The following NLGN1 variants were observed in gnomAD, a reference collection of about 807,000 sequenced individuals.
NLGN1 encodes neuroligin-1.
A neutral mutation model predicts 65.5 loss-of-function variants in NLGN1; 12 were observed. That is an observed-to-expected ratio of 0.18 (90% CI 0.12 to 0.30). NLGN1 has a LOEUF of 0.30. Among genes scored for constraint, NLGN1 ranks in the 10% least tolerant of loss-of-function variants. The probability of loss-of-function intolerance (pLI) is 1.00; values close to 1 mark genes in which losing one functional copy is unlikely to be tolerated. For missense variants in NLGN1, 750 were observed against 1,007.1 expected (o/e 0.74, Z 3.46); for synonymous variants, 350 against 359.5 (o/e 0.97, Z 0.30).
At chr3:173,984,975 G>A (rs926949280) in intron 4 of NLGN1, among the ~76,000 whole-genome samples, 4 of 152,180 alleles carry the variant, frequency 2.6e-5, no homozygotes, top group Non-Finnish European at 5.9e-5. Context: ...CCAGGAGGTG[G>A]AGGTTGCAGT....
intron 4 of NLGN1, among the ~76,000 whole-genome samples, chr3:174,087,328 C>T (rs1365405157): frequency 2.0e-5 from 3 of 152,134 alleles, no homozygotes; most frequent in Admixed American, 1.3e-4. Flanking sequence ...CATTTCCTTA[C>T]AGCCATTTTG....
At chr3:173,664,563 T>C (rs894634167) in intron 3 of NLGN1, among the ~76,000 whole-genome samples, 2 of 152,136 alleles carry the variant, frequency 1.3e-5, no homozygotes, top group African/African-American at 4.8e-5. Flanking sequence ...AACAATTTCC[T>C]GTGCTGTGAT....
intron 2 of NLGN1, among the ~76,000 whole-genome samples, chr3:173,451,996 C>T (rs6773541): frequency 0.023 from 3,523 of 152,316 alleles, 148 homozygotes; most frequent in African/African-American, 0.078. Context: ...TCCCTGACCC[C>T]TTGTGCTTCC....
intron 2 of NLGN1, among the ~76,000 whole-genome samples, chr3:173,590,388 A>G (rs41365946): frequency 0.01 from 1,593 of 152,288 alleles, 39 homozygotes; most frequent in African/African-American, 0.037. Flanking sequence ...GATTGATGCC[A>G]AAAGTCCCTG....
chr3:174,048,082 C>T (rs1734013987), intron 4 of NLGN1, among the ~76,000 whole-genome samples: 3 of 152,068 alleles, frequency 2.0e-5, no homozygotes, highest in Admixed American at 1.3e-4. Context: ...GTCCTCCATA[C>T]TCAGCAAGGA....
At chr3:174,111,747 C>T (rs1483850002) in intron 4 of NLGN1, among the ~76,000 whole-genome samples, 1 of 151,600 alleles carries the variant, frequency 6.6e-6, no homozygotes, top group Non-Finnish European at 1.5e-5. Flanking sequence ...TATGGTTTTG[C>T]CTTATGGTCT....
intron 2 of NLGN1, among the ~76,000 whole-genome samples, chr3:173,435,455 C>A (rs1199299234): frequency 1.3e-5 from 2 of 152,032 alleles, no homozygotes; most frequent in Non-Finnish European, 2.9e-5. Flanking sequence ...ATGATATATA[C>A]ATACACACAC....
Position 174,141,262 on chromosome 3 carries a change from C to T in NLGN1, c.647-134053C>T, listed in dbSNP as rs73880363. 6.4e-3 allele frequency among the ~76,000 whole-genome samples: 979 copies of T among 152,118 alleles called. 12 individuals are homozygous for T. Among genetic ancestry groups the T allele is most frequent in the African/African-American group, 0.022 (920 of 41,520 alleles). On this transcript the variant is annotated intron_variant, in intron 4 of 6. Coordinates refer to ENST00000457714, the Ensembl canonical transcript of NLGN1. ...CAGTTAACAGGAATAGGATTATATC[C>T]TTCAGGAAATTTATAAGTAATTTTC...
At chr3:173,910,491 TTCTC>T (rs891962582) in intron 4 of NLGN1, 7 of 152,180 alleles carry the variant, frequency 4.6e-5, no homozygotes, top group African/African-American at 1.2e-4. Context: ...TTTACAGTGA[TTCTC>T]TCTTTCTTCT....
chr3:174,110,877 A>G (rs1174264998), intron 4 of NLGN1, among the ~76,000 whole-genome samples: 1 of 151,986 alleles, frequency 6.6e-6, no homozygotes, highest in East Asian at 1.9e-4. Flanking sequence ...AGCACTAGAT[A>G]AGAAATACGT....
chr3:173,613,057 A>G (rs1165208386), intron 3 of NLGN1, among the ~76,000 whole-genome samples: 1 of 152,128 alleles, frequency 6.6e-6, no homozygotes, highest in Non-Finnish European at 1.5e-5. Context: ...ATAAGGTCAC[A>G]TTTGAGGTAC....
intron 2 of NLGN1, among the ~76,000 whole-genome samples, chr3:173,555,987 G>A (rs1741645858): frequency 6.6e-6 from 1 of 152,168 alleles, no homozygotes; most frequent in Non-Finnish European, 1.5e-5. Context: ...TTAAAATAGA[G>A]ATGAAGCTGT....
At chr3:173,834,898 T>C (rs767119715) in intron 4 of NLGN1, among the ~76,000 whole-genome samples, 30 of 152,316 alleles carry the variant, frequency 2.0e-4, no homozygotes, top group Non-Finnish European at 3.1e-4. Context: ...AGAAATCCTG[T>C]GAACTTCACA....
rs1276173799 is a variant in NLGN1, at chr3:174,082,250, C to A, written c.647-193065C>A. 2.6e-5 allele frequency among the ~76,000 whole-genome samples: 4 copies of A among 152,018 alleles called. No homozygotes were observed. The East Asian group carries it at 7.7e-4, about 29-fold the overall frequency. ...TATATAAGATATATACATATATTCC[C>A]AATACTTTCTTGACATGACTACCCA... On this transcript the variant is annotated intron_variant, in intron 4 of 6. Transcript: ENST00000457714.
chr3:173,467,307 A>T (rs1724533892), intron 2 of NLGN1, among the ~76,000 whole-genome samples: 1 of 152,086 alleles, frequency 6.6e-6, no homozygotes, highest in Admixed American at 6.6e-5. Flanking sequence ...ATCGATAGTA[A>T]TTTACATTGC....
intron 4 of NLGN1, among the ~76,000 whole-genome samples, chr3:174,155,027 A>C (rs1725177541): frequency 9.0e-6 from 1 of 110,794 alleles, no homozygotes. Context: ...AATATATAAA[A>C]TTATAATAAT....
At chr3:174,261,834 T>C (rs1297201874) in intron 4 of NLGN1, among the ~76,000 whole-genome samples, 2 of 149,342 alleles carry the variant, frequency 1.3e-5, no homozygotes, top group Admixed American at 6.7e-5. Flanking sequence ...CATAGATAGC[T>C]CTTATTATTT....
chr3:173,778,256 T>A (rs1780608990), intron 3 of NLGN1, among the ~76,000 whole-genome samples: 1 of 152,000 alleles, frequency 6.6e-6, no homozygotes, highest in African/African-American at 2.4e-5. Context: ...TTTTCTGGCT[T>A]TGGAGACCTC....
intron 4 of NLGN1, among the ~76,000 whole-genome samples, chr3:174,021,313 G>A (rs955363496): frequency 6.6e-6 from 1 of 151,786 alleles, no homozygotes; most frequent in Admixed American, 6.6e-5. Context: ...GAAAAGTAAG[G>A]GCAATGTAAT....
Sources: allele counts gnomAD v4.1 joint callset (sites outside exome capture counted in the v4.1 genomes callset), GRCh38; gene constraint gnomAD v4.1.1; transcripts MANE v1.5; gene names NCBI Gene and HGNC (gene_info 2026-07-23, HGNC 2026-07-21).